The following MFSD1 variants were observed in gnomAD, a reference collection of about 807,000 sequenced individuals.
MFSD1 encodes the protein lysosomal dipeptide transporter MFSD1.
In MFSD1, 59 loss-of-function variants were observed where a neutral mutation model predicts 67.1. That is an observed-to-expected ratio of 0.88 (90% CI 0.71 to 1.09). MFSD1 has a LOEUF of 1.09. Ranked by LOEUF, MFSD1 falls within the 50% of genes least tolerant of loss-of-function variation. The probability of loss-of-function intolerance (pLI) is 0.00; values close to 1 mark genes in which losing one functional copy is unlikely to be tolerated. For missense variants in MFSD1, 552 were observed against 566.1 expected (o/e 0.97, Z 0.25); for synonymous variants, 213 against 200.3 (o/e 1.06, Z -0.54).
chr3:158,805,214 T>C (rs1729663760), intron 2 of MFSD1, 148 bp from the exon 3 acceptor site: 1 of 663,204 alleles, frequency 1.5e-6, no homozygotes, highest in South Asian at 1.7e-5. Context: ...TCAAGGAAGT[T>C]AGTGAGACTT....
At chr3:158,811,918 C>G (rs1236468430) in intron 6 of MFSD1, among the ~76,000 whole-genome samples, 1 of 152,150 alleles carries the variant, frequency 6.6e-6, no homozygotes, top group African/African-American at 2.4e-5. Flanking sequence ...CTTAATAATC[C>G]TTTCATTCCA....
chr3:158,814,540 C>T (rs1009643621), intron 7 of MFSD1, among the ~76,000 whole-genome samples: 11 of 151,918 alleles, frequency 7.2e-5, no homozygotes, highest in African/African-American at 1.9e-4. Context: ...AGGCTGGTCT[C>T]GAACTCCTGA....
intron 1 of MFSD1, among the ~76,000 whole-genome samples, chr3:158,803,842 T>A (rs903637789): frequency 1.2e-4 from 19 of 152,200 alleles, no homozygotes; most frequent in African/African-American, 3.6e-4. Flanking sequence ...ATTATTTGAT[T>A]TTGGGTAGTT....
At position 158,805,402 on chromosome 3, in the gene MFSD1, C is replaced by T; in HGVS notation, c.257C>T (p.Ala86Val). The change falls in exon 3 of 16, where the codon GCC becomes GTC. Residue 86 changes from alanine (A) to valine (V), a missense_variant. Transcript: ENST00000415822. ...VNTTKFMLLY[A>V]WYSWPNVVLC... The stretch of plus-strand genomic sequence containing the variant: ...ACCACGAAATTCATGCTGCTGTATG[C>T]CTGGTATTCTTGGCCCAATGTAGTT... 1 of 1,614,014 alleles carries T rather than the reference C, an allele frequency of 6.2e-7. No individual in the cohort carries two copies. Among genetic ancestry groups the T allele is most frequent in the African/African-American group, 1.3e-5 (1 of 75,040 alleles).
At position 158,802,123 on chromosome 3, in the gene MFSD1, A is replaced by G. The variant is rs765569327; in HGVS notation, c.-30A>G. 2 of 1,609,652 alleles carry G rather than the reference A, an allele frequency of 1.2e-6. No individual in the cohort carries two copies. Among genetic ancestry groups the G allele is most frequent in the South Asian group, 1.1e-5 (1 of 90,468 alleles). ...CCTGCCTGGGTTTGGAGTTGTCACCACTTTCCCCTCTCCGTCTCCTGCGGG... is the reference window on the plus strand; with the variant it reads ...CCTGCCTGGGTTTGGAGTTGTCACCGCTTTCCCCTCTCCGTCTCCTGCGGG... On this transcript the variant is annotated 5_prime_UTR_variant, in exon 1 of 16. Transcript: ENST00000415822.
intron 11 of MFSD1, chr3:158,822,963 A>G (rs1462797142): frequency 1.3e-5 from 2 of 158,228 alleles, no homozygotes; most frequent in African/African-American, 4.8e-5. Flanking sequence ...AAAAATCAGC[A>G]TTAGGTGAGG....
chr3:158,821,877 T>A, intron 10 of MFSD1, 107 bp from the exon 11 acceptor site: 1 of 1,234,002 alleles, frequency 8.1e-7, no homozygotes, highest in Non-Finnish European at 1.1e-6. Context: ...TTTATAAGAA[T>A]GTTAAATGAG....
chr3:158,819,737 A>G lies in MFSD1; in HGVS notation c.741A>G (p.Gln247=), dbSNP rs753340725. Reference sequence around the variant, plus strand: ...CAGAGAGAATCCTTCATAAAGAACAAGGAAAAACAGGTAAGTCTAAATGAA... The same window carrying G: ...CAGAGAGAATCCTTCATAAAGAACAGGGAAAAACAGGTAAGTCTAAATGAA... ...QRAERILHKE[Q]GKTGEVIKLT... is the part of the protein sequence containing the mutation. The change falls in exon 8 of 16, where the codon CAA becomes CAG. Residue 247 remains glutamine (Q), a synonymous_variant. Transcript: ENST00000415822. 5.7e-6 allele frequency: 9 copies of G among 1,592,542 alleles called. No homozygotes were observed. Among genetic ancestry groups the G allele is most frequent in the Non-Finnish European group, 7.7e-6 (9 of 1,162,676 alleles).
chr3:158,804,169 A>G (rs939566009), intron 1 of MFSD1, 150 bp from the exon 2 acceptor site: 1 of 563,404 alleles, frequency 1.8e-6, no homozygotes, highest in South Asian at 2.4e-5. Context: ...TAACTTAGAA[A>G]ATACTGGTGG....
chr3:158,818,830 A>G (rs1730515055), intron 7 of MFSD1, among the ~76,000 whole-genome samples: 1 of 152,154 alleles, frequency 6.6e-6, no homozygotes, highest in South Asian at 2.1e-4. Flanking sequence ...TTTTAGAGTA[A>G]GACTTTTAGA....
chr3:158,820,983 C>T (rs902575440), intron 9 of MFSD1, among the ~76,000 whole-genome samples: 3 of 152,084 alleles, frequency 2.0e-5, no homozygotes, highest in African/African-American at 7.2e-5. Flanking sequence ...CTTTTTCATT[C>T]CCTCTTTATT....
At chr3:158,817,589 A>G (rs1335491619) in intron 7 of MFSD1, among the ~76,000 whole-genome samples, 3 of 152,164 alleles carry the variant, frequency 2.0e-5, no homozygotes, top group South Asian at 2.1e-4. Context: ...ACTGCTCAAT[A>G]AAATAAAAGA....
At chr3:158,814,616 T>C (rs7429205) in intron 7 of MFSD1, among the ~76,000 whole-genome samples, 52,687 of 151,840 alleles carry the variant, frequency 0.35, 9,274 homozygotes, top group Middle Eastern at 0.41. Context: ...CCACCGCACC[T>C]GGCCTGTTGT....
chr3:158,827,954 G>C (rs1447708088), intron 15 of MFSD1, among the ~76,000 whole-genome samples: 93 of 113,404 alleles, frequency 8.2e-4, no homozygotes, highest in African/African-American at 2.6e-3. Flanking sequence ...GGGAGAGAGA[G>C]AGAGAGAGAG....
In MFSD1 at chr3:158,809,191, G is replaced by A. The variant is rs1425899557; in HGVS notation, c.453G>A (p.Glu151=). The A allele has an allele frequency of 1.9e-5, 29 of 1,562,820 alleles. No individual in the cohort carries two copies. Among genetic ancestry groups the A allele is most frequent in the Non-Finnish European group, 2.5e-5 (29 of 1,156,042 alleles). ...TTTCTATTTTTAGGATTGGTGGCGA[G>A]TCCTTAGCAGTTGCCCAGAATACAT... ...FGRFVFGIGG[E]SLAVAQNTYA... The change falls in exon 6 of 16, where the codon GAG becomes GAA. Residue 151 remains glutamate, a synonymous_variant. Transcript: ENST00000415822.
chr3:158,809,109 G>A (rs1729868560), intron 5 of MFSD1, 70 bp from the exon 6 acceptor site: 1 of 1,180,088 alleles, frequency 8.5e-7, no homozygotes, highest in East Asian at 2.4e-5. Context: ...TTTTAAACCT[G>A]CTGCATTGCT....
At chr3:158,805,602 A>T in intron 3 of MFSD1, 128 bp downstream of exon 3, 2 of 781,534 alleles carry the variant, frequency 2.6e-6, no homozygotes, top group South Asian at 1.6e-5. Context: ...TGAGTTTTTT[A>T]AAAAAATGAT....
chr3:158,815,694 G>A (rs1730291137), intron 7 of MFSD1, among the ~76,000 whole-genome samples: 1 of 149,080 alleles, frequency 6.7e-6, no homozygotes. Context: ...GGGTACATGT[G>A]CACAATGTGC....
At chr3:158,815,562 G>A (rs1320653806) in intron 7 of MFSD1, among the ~76,000 whole-genome samples, 5 of 150,956 alleles carry the variant, frequency 3.3e-5, no homozygotes, top group Non-Finnish European at 7.4e-5. Flanking sequence ...GGTAGAAAAG[G>A]TACCATAATT....
Sources: allele counts gnomAD v4.1 joint callset (sites outside exome capture counted in the v4.1 genomes callset), GRCh38; gene constraint gnomAD v4.1.1; transcripts MANE v1.5; gene names NCBI Gene and HGNC (gene_info 2026-07-23, HGNC 2026-07-21).